The following SNX24 variants were observed in gnomAD, a reference collection of about 807,000 sequenced individuals.
SNX24 encodes sorting nexin-24.
In SNX24, 22 loss-of-function variants were observed where a neutral mutation model predicts 28.7. The ratio of observed to expected loss-of-function variants is 0.77; its 90% CI spans 0.55 to 1.10. SNX24 has a LOEUF of 1.10. SNX24 is among the 50% of genes least tolerant of loss of function. The pLI is 0.00. For synonymous variants in SNX24, 69 were observed against 71.5 expected, an observed-to-expected ratio of 0.96 and a Z score of 0.18; for missense variants, 221 against 201.1, an observed-to-expected ratio of 1.10 and a Z score of -0.60.
At chr5:122,849,532 T>A (rs1166450324) in intron 1 of SNX24, among the ~76,000 whole-genome samples, 1 of 151,848 alleles carries the variant, frequency 6.6e-6, no homozygotes, top group Admixed American at 6.6e-5. Context: ...ATTGTGAATT[T>A]TAGAAAGAGG....
chr5:122,931,413 T>C (rs1178144069), intron 1 of SNX24, among the ~76,000 whole-genome samples: 1 of 152,190 alleles, frequency 6.6e-6, no homozygotes, highest in Non-Finnish European at 1.5e-5. Context: ...AGTACCTGAA[T>C]TAATACCCTG....
At chr5:122,917,585 G>A (rs111969136) in intron 1 of SNX24, among the ~76,000 whole-genome samples, 8 of 152,256 alleles carry the variant, frequency 5.3e-5, no homozygotes, top group Admixed American at 2.6e-4. Flanking sequence ...TTGGTTTTAA[G>A]TTTGCAGCTA....
downstream of SNX24, among the ~76,000 whole-genome samples, chr5:123,011,848 A>G (rs1461987882): frequency 2.0e-5 from 3 of 152,228 alleles, no homozygotes; most frequent in East Asian, 5.8e-4. Context: ...AGAAGAAAGC[A>G]GGGACTCAAA....
At chr5:123,009,371 T>TTA (rs1164340566), downstream of SNX24, among the ~76,000 whole-genome samples, 18 of 152,350 alleles carry the variant, frequency 1.2e-4, no homozygotes, top group African/African-American at 4.3e-4. Context: ...TCTCATCTAT[T>TTA]AAGTCAGTAG....
At chr5:122,941,445 CTT>C (rs1259572165) in intron 2 of SNX24, among the ~76,000 whole-genome samples, 1 of 152,152 alleles carries the variant, frequency 6.6e-6, no homozygotes, top group Non-Finnish European at 1.5e-5. Flanking sequence ...TGTCGAATGT[CTT>C]TTCCTGTGTG....
Position 122,845,640 on chromosome 5 carries a change from G to A in SNX24, c.7G>A (p.Val3Ile), listed in dbSNP as rs1306827937. Residue 3 changes from valine to isoleucine, a missense_variant, in exon 1 of 7, where the codon GTC becomes ATC. By Grantham distance (29) the Val-to-Ile change is conservative. Coordinates refer to ENST00000261369, the MANE Select transcript of SNX24 (RefSeq NM_014035.4). ...CCGGCTGGCCGGCGCGGCCATGGAG[G>A]TCTACATCCCGTCCTTTCGCTATGA... Reference protein sequence around the residue: MEVYIPSFRYEES... With the variant: MEIYIPSFRYEES... 4.9e-6 allele frequency: 7 copies of A among 1,427,494 alleles called. No individual in the cohort carries two copies. The Admixed American group carries it at 1.2e-4, about 24-fold the overall frequency. 88.4% of individuals were successfully genotyped at this position (1,427,494 alleles called of 1,614,324 possible).
chr5:123,021,033 T>C (rs1254789918), intron 5 of SNX24, among the ~76,000 whole-genome samples: 1 of 152,160 alleles, frequency 6.6e-6, no homozygotes, highest in Non-Finnish European at 1.5e-5. Flanking sequence ...GCCCCTTTGC[T>C]GTTTCCTGAG....
chr5:122,900,822 A>G (rs1350610094), intron 1 of SNX24, among the ~76,000 whole-genome samples: 2 of 152,162 alleles, frequency 1.3e-5, no homozygotes, highest in Non-Finnish European at 2.9e-5. Flanking sequence ...AAATGTTTTT[A>G]AAGACCTAAG....
chr5:122,882,873 A>T (rs150104075), intron 1 of SNX24, among the ~76,000 whole-genome samples: 2 of 152,262 alleles, frequency 1.3e-5, no homozygotes, highest in Admixed American at 1.3e-4. Flanking sequence ...ATTTATTTTC[A>T]TATCAGACCA....
intron 1 of SNX24, among the ~76,000 whole-genome samples, chr5:122,860,136 C>G (rs1216974091): frequency 6.6e-6 from 1 of 152,138 alleles, no homozygotes; most frequent in Non-Finnish European, 1.5e-5. Flanking sequence ...CCACAAAGAA[C>G]AGCTTTGCAG....
chr5:122,949,494 A>G (rs1759839752), intron 3 of SNX24, among the ~76,000 whole-genome samples: 1 of 152,144 alleles, frequency 6.6e-6, no homozygotes, highest in Non-Finnish European at 1.5e-5. Flanking sequence ...GAAATTTCAG[A>G]TCTTAAGGGG....
chr5:122,852,505 G>A (rs979017459), intron 1 of SNX24, among the ~76,000 whole-genome samples: 2 of 151,900 alleles, frequency 1.3e-5, no homozygotes, highest in Non-Finnish European at 2.9e-5. Flanking sequence ...CATCATGTCC[G>A]GCAAATTTTG....
At chr5:122,963,475 G>A (rs1042175847) in intron 3 of SNX24, among the ~76,000 whole-genome samples, 2 of 152,200 alleles carry the variant, frequency 1.3e-5, no homozygotes, top group African/African-American at 4.8e-5. Context: ...TTAAAAGGTA[G>A]ATGGTTTTAT....
intron 3 of SNX24, among the ~76,000 whole-genome samples, chr5:122,993,378 A>G (rs1185055062): frequency 6.7e-6 from 1 of 148,960 alleles, no homozygotes; most frequent in Non-Finnish European, 1.5e-5. Context: ...GGCTCACTGC[A>G]AGCTCTGCCT....
chr5:123,001,493 A>G, intron 5 of SNX24, 56 bp downstream of exon 5: 7 of 1,188,396 alleles, frequency 5.9e-6, no homozygotes, highest in Non-Finnish European at 8.7e-6. Context: ...TAAATGTTTA[A>G]TCACCTACGA....
chr5:122,894,883 G>A (rs1448280585), intron 1 of SNX24, among the ~76,000 whole-genome samples: 1 of 152,028 alleles, frequency 6.6e-6, no homozygotes, highest in Non-Finnish European at 1.5e-5. Context: ...CTGTAGTCTA[G>A]TTTCCAAGTA....
intron 3 of SNX24, among the ~76,000 whole-genome samples, chr5:122,976,789 G>T (rs146424955): frequency 6.6e-6 from 1 of 152,348 alleles, no homozygotes; most frequent in Non-Finnish European, 1.5e-5. Context: ...TGCGTAAAAC[G>T]CAGAGCACAG....
intron 3 of SNX24, among the ~76,000 whole-genome samples, chr5:122,958,704 T>C (rs1760327345): frequency 7.6e-6 from 1 of 131,820 alleles, no homozygotes; most frequent in Admixed American, 8.1e-5. Context: ...TTATAGTCTT[T>C]TTATTTTTTA....
At chr5:122,919,164 G>A (rs574065768) in intron 1 of SNX24, among the ~76,000 whole-genome samples, 1 of 152,182 alleles carries the variant, frequency 6.6e-6, no homozygotes, top group Non-Finnish European at 1.5e-5. Context: ...TCCATATATT[G>A]ACAACACTTC....
Sources: allele counts gnomAD v4.1 joint callset (sites outside exome capture counted in the v4.1 genomes callset), GRCh38; gene constraint gnomAD v4.1.1; transcripts MANE v1.5; gene names NCBI Gene and HGNC (gene_info 2026-07-23, HGNC 2026-07-21).